The following PTPRD variants were observed in gnomAD, a reference collection of about 807,000 sequenced individuals.
PTPRD encodes the protein protein tyrosine phosphatase receptor type D, also known as receptor-type tyrosine-protein phosphatase delta.
PTPRD carries 34 observed loss-of-function variants against 214.5 expected under a neutral mutation model. That is an observed-to-expected ratio of 0.16 (90% CI 0.12 to 0.21). The LOEUF (loss-of-function observed/expected upper bound fraction) is 0.21. Among genes scored for constraint, PTPRD ranks in the 10% least tolerant of loss-of-function variants. PTPRD has a pLI of 1.00. For synonymous variants in PTPRD, 1,128 were observed against 845.7 expected (o/e 1.33, Z -5.79); for missense variants, 2,545 against 2,398.7 (o/e 1.06, Z -1.27).
At chr9:9,556,146 G>A (rs1339885253) in intron 8 of PTPRD, among the ~76,000 whole-genome samples, 3 of 152,036 alleles carry the variant, frequency 2.0e-5, no homozygotes, top group African/African-American at 7.2e-5. Flanking sequence ...TATGTTATAT[G>A]TATTATATAT....
At chr9:9,715,925 C>T (rs552732773) in intron 7 of PTPRD, among the ~76,000 whole-genome samples, 128 of 152,224 alleles carry the variant, frequency 8.4e-4, no homozygotes, top group Middle Eastern at 6.8e-3. Context: ...CGTATGTATA[C>T]ATGTGCCATG....
intron 12 of PTPRD, among the ~76,000 whole-genome samples, chr9:8,695,135 C>T (rs1279609880): frequency 2.0e-5 from 3 of 152,022 alleles, no homozygotes; most frequent in Non-Finnish European, 2.9e-5. Flanking sequence ...TCTCATGATC[C>T]CTACAGGCCT....
At chr9:9,847,801 G>C (rs559527245) in intron 5 of PTPRD, among the ~76,000 whole-genome samples, 1 of 152,042 alleles carries the variant, frequency 6.6e-6, no homozygotes, top group Non-Finnish European at 1.5e-5. Context: ...TAGGGCTGTC[G>C]GTGGAGCTGA....
chr9:8,796,642 C>T (rs1264118644), intron 11 of PTPRD, among the ~76,000 whole-genome samples: 1 of 152,096 alleles, frequency 6.6e-6, no homozygotes, highest in Non-Finnish European at 1.5e-5. Context: ...ATCAAATCAT[C>T]ATGTGCCTGA....
chr9:9,383,784 C>A (rs2063022686), intron 9 of PTPRD, among the ~76,000 whole-genome samples: 1 of 152,046 alleles, frequency 6.6e-6, no homozygotes, highest in African/African-American at 2.4e-5. Context: ...CGCTAAAATT[C>A]CAGAGTCCCT....
chr9:9,155,839 G>T (rs1430491533), intron 10 of PTPRD, among the ~76,000 whole-genome samples: 1 of 152,002 alleles, frequency 6.6e-6, no homozygotes, highest in Non-Finnish European at 1.5e-5. Flanking sequence ...TGAACTGATG[G>T]GTTCAGAACA....
chr9:10,363,742 A>G (rs1660218561), intron 2 of PTPRD, among the ~76,000 whole-genome samples: 1 of 152,168 alleles, frequency 6.6e-6, no homozygotes, highest in Admixed American at 6.5e-5. Context: ...GTCCAAATAA[A>G]CCAATAAAAT....
chr9:9,080,725 G>T (rs943549415), intron 10 of PTPRD, among the ~76,000 whole-genome samples: 6 of 152,098 alleles, frequency 3.9e-5, no homozygotes, highest in South Asian at 4.2e-4. Flanking sequence ...TGTTCCCTTG[G>T]GAGGGTGTAT....
At chr9:9,188,547 C>A (rs774768237) in intron 9 of PTPRD, among the ~76,000 whole-genome samples, 7 of 152,010 alleles carry the variant, frequency 4.6e-5, no homozygotes, top group Admixed American at 1.3e-4. Context: ...CTTTGAAAGT[C>A]TAAGCTTGGT....
At chr9:9,733,411 C>T (rs570785176) in intron 7 of PTPRD, among the ~76,000 whole-genome samples, 2 of 152,238 alleles carry the variant, frequency 1.3e-5, no homozygotes, top group South Asian at 2.1e-4. Flanking sequence ...TCTGTTTAAC[C>T]TCAAGTCTTC....
At chr9:9,809,134 A>AG (rs1289171296) in intron 5 of PTPRD, among the ~76,000 whole-genome samples, 1 of 151,862 alleles carries the variant, frequency 6.6e-6, no homozygotes, top group Non-Finnish European at 1.5e-5. Flanking sequence ...TTTGGGTCTC[A>AG]TATTTGTGGG....
chr9:8,767,243 G>A (rs775272346), intron 11 of PTPRD, among the ~76,000 whole-genome samples: 34 of 151,986 alleles, frequency 2.2e-4, no homozygotes, highest in Non-Finnish European at 3.1e-4. Context: ...TCAGCCTCCC[G>A]AGTAGCTGGG....
chr9:9,379,540 A>C (rs1472443634), intron 9 of PTPRD, among the ~76,000 whole-genome samples: 1 of 151,964 alleles, frequency 6.6e-6, no homozygotes, highest in Non-Finnish European at 1.5e-5. Flanking sequence ...CTCTTTATAT[A>C]ACTTTAGAAT....
At chr9:10,511,420 C>G (rs1470754713) in intron 2 of PTPRD, among the ~76,000 whole-genome samples, 11 of 151,756 alleles carry the variant, frequency 7.2e-5, no homozygotes, top group Non-Finnish European at 5.9e-5. Flanking sequence ...TATGTATTTA[C>G]TGAGATGGAG....
At chr9:9,146,684 G>C (rs951795300) in intron 10 of PTPRD, among the ~76,000 whole-genome samples, 6 of 152,102 alleles carry the variant, frequency 3.9e-5, no homozygotes, top group African/African-American at 1.4e-4. Context: ...ATTTCAATGA[G>C]AGGCCAGCCT....
intron 9 of PTPRD, among the ~76,000 whole-genome samples, chr9:9,392,225 G>A (rs1038063300): frequency 2.6e-5 from 4 of 152,150 alleles, no homozygotes; most frequent in African/African-American, 9.7e-5. Flanking sequence ...TGACCGCAGT[G>A]TAAAGCTCTT....
At chr9:10,058,475 T>C (rs1186722113) in intron 3 of PTPRD, among the ~76,000 whole-genome samples, 2 of 152,080 alleles carry the variant, frequency 1.3e-5, no homozygotes, top group African/African-American at 4.8e-5. Context: ...TGCTCCCAGG[T>C]TACAATCTTC....
intron 4 of PTPRD, among the ~76,000 whole-genome samples, chr9:10,002,014 G>T (rs2096331866): frequency 6.6e-6 from 1 of 151,926 alleles, no homozygotes; most frequent in Non-Finnish European, 1.5e-5. Context: ...TTATAGCAAT[G>T]TTAATACAAA....
intron 2 of PTPRD, among the ~76,000 whole-genome samples, chr9:10,362,708 C>G (rs1418438813): frequency 6.6e-6 from 1 of 151,902 alleles, no homozygotes; most frequent in African/African-American, 2.4e-5. Context: ...GATGAAACCC[C>G]GTCTCTATTA....
Sources: allele counts gnomAD v4.1 joint callset (sites outside exome capture counted in the v4.1 genomes callset), GRCh38; gene constraint gnomAD v4.1.1; transcripts MANE v1.5; gene names NCBI Gene and HGNC (gene_info 2026-07-23, HGNC 2026-07-21).